The following PTPN4 variants were observed in gnomAD, a reference collection of about 807,000 sequenced individuals.
The protein encoded by PTPN4 is tyrosine-protein phosphatase non-receptor type 4.
Under a neutral mutation model 135.5 loss-of-function variants are expected in PTPN4, and 49 were observed. That is an observed-to-expected ratio of 0.36 (90% CI 0.29 to 0.46). The LOEUF is 0.46. Ranked by LOEUF, PTPN4 falls within the 20% of genes least tolerant of loss-of-function variation. The pLI is 1.00. For synonymous variants in PTPN4, 333 were observed against 369.9 expected (o/e 0.90, Z 1.14); for missense variants, 860 against 1,101.0 (o/e 0.78, Z 3.10).
At chr2:119,854,308 T>C (rs1019561694) in intron 2 of PTPN4, among the ~76,000 whole-genome samples, 1 of 152,202 alleles carries the variant, frequency 6.6e-6, no homozygotes, top group Non-Finnish European at 1.5e-5. Context: ...ATATCAAAGC[T>C]TGCTGGCCTG....
At chr2:119,912,794 G>C (rs1678593431) in intron 10 of PTPN4, among the ~76,000 whole-genome samples, 1 of 152,112 alleles carries the variant, frequency 6.6e-6, no homozygotes, top group Admixed American at 6.6e-5. Context: ...TTCAGGGGCA[G>C]CATCACCATA....
intron 1 of PTPN4, among the ~76,000 whole-genome samples, chr2:119,768,173 T>G (rs970877393): frequency 1.3e-5 from 2 of 152,222 alleles, no homozygotes; most frequent in African/African-American, 4.8e-5. Flanking sequence ...TTTTAAAATT[T>G]CATTTTGTTG....
intron 7 of PTPN4, 71 bp downstream of exon 7, chr2:119,882,220 A>G (rs1005760141): frequency 1.1e-5 from 16 of 1,392,900 alleles, no homozygotes; most frequent in African/African-American, 1.0e-4. Flanking sequence ...ATTGGCTTCA[A>G]TGTGGGAGTT....
chr2:119,842,937 C>T lies in PTPN4; in HGVS notation c.139-19599C>T, dbSNP rs1677403457. 1.3e-5 allele frequency among the ~76,000 whole-genome samples: 2 copies of T among 152,100 alleles called. 1 individual carries two copies. Among genetic ancestry groups the T allele is most frequent in the South Asian group, 4.1e-4 (2 of 4,830 alleles). On this transcript the variant is annotated intron_variant, in intron 2 of 26. Transcript: ENST00000263708. ...TCATGTAACAATTATCAAAATACAGCATAAAGTATTATATATGATGTTAGC... is the reference window on the plus strand; with the variant it reads ...TCATGTAACAATTATCAAAATACAGTATAAAGTATTATATATGATGTTAGC...
chr2:119,923,954 G>A (rs888271401), intron 12 of PTPN4, among the ~76,000 whole-genome samples: 4 of 151,888 alleles, frequency 2.6e-5, no homozygotes, highest in African/African-American at 7.3e-5. Context: ...TGGCTAATGC[G>A]GTGAAACCCT....
intron 1 of PTPN4, among the ~76,000 whole-genome samples, chr2:119,791,745 A>G (rs756954185): frequency 6.6e-6 from 1 of 152,204 alleles, no homozygotes; most frequent in Middle Eastern, 3.4e-3. Flanking sequence ...CCACTTGACT[A>G]TGGTATGTTT....
intron 2 of PTPN4, among the ~76,000 whole-genome samples, chr2:119,816,688 A>G (rs1024285524): frequency 6.6e-6 from 1 of 152,136 alleles, no homozygotes; most frequent in Non-Finnish European, 1.5e-5. Flanking sequence ...AGACAGTGAC[A>G]CCCAAAGTGT....
intron 3 of PTPN4, among the ~76,000 whole-genome samples, chr2:119,874,700 G>T (rs546813340): frequency 6.6e-6 from 1 of 152,260 alleles, no homozygotes; most frequent in East Asian, 1.9e-4. Context: ...AGTGATGATG[G>T]TTGCACACCG....
At chr2:119,807,086 A>G (rs147425727) in intron 1 of PTPN4, among the ~76,000 whole-genome samples, 5,380 of 152,310 alleles carry the variant, frequency 0.035, 151 homozygotes, top group Non-Finnish European at 0.054. Context: ...CAGTGCGTAG[A>G]GGAAAATTTA....
intron 14 of PTPN4, 26 bp from the exon 15 acceptor site, chr2:119,934,774 T>A (rs1574411500): frequency 1.2e-6 from 2 of 1,606,894 alleles, no homozygotes; most frequent in East Asian, 4.5e-5. Flanking sequence ...CATATTTTTA[T>A]TCAGTTTTTC....
chr2:119,969,533 C>G (rs1574426278), intron 26 of PTPN4, among the ~76,000 whole-genome samples: 2 of 145,100 alleles, frequency 1.4e-5, no homozygotes, highest in Admixed American at 6.9e-5. Context: ...GTACAATTAT[C>G]AAGAAATGTA....
chr2:119,898,627 G>C (rs1385422837), intron 9 of PTPN4, among the ~76,000 whole-genome samples: 2 of 152,018 alleles, frequency 1.3e-5, no homozygotes. Flanking sequence ...TTATTTATTA[G>C]ATTTATAGTA....
chr2:119,922,689 A>G (rs1678756179), intron 12 of PTPN4, among the ~76,000 whole-genome samples: 1 of 152,236 alleles, frequency 6.6e-6, no homozygotes, highest in South Asian at 2.1e-4. Flanking sequence ...TCAAATTGGA[A>G]TCATGAATGT....
At chr2:119,932,352 T>C (rs1678919392) in intron 13 of PTPN4, 72 bp from the exon 14 acceptor site, 3 of 1,373,088 alleles carry the variant, frequency 2.2e-6, no homozygotes, top group Admixed American at 5.0e-5. Flanking sequence ...TGAAAACAAA[T>C]TGTAGGATTT....
intron 22 of PTPN4, among the ~76,000 whole-genome samples, chr2:119,960,281 A>G (rs547967172): frequency 2.0e-5 from 3 of 152,214 alleles, no homozygotes; most frequent in Non-Finnish European, 4.4e-5. Context: ...CCCAAATACT[A>G]TCTTACCTCT....
chr2:119,945,032 AC>A, intron 15 of PTPN4, 48 bp from the exon 16 acceptor site: 1 of 1,531,420 alleles, frequency 6.5e-7, no homozygotes, highest in African/African-American at 1.4e-5. Context: ...CTTGACCCTA[AC>A]TTTTAAAAAA....
intron 3 of PTPN4, among the ~76,000 whole-genome samples, chr2:119,868,196 A>G (rs1204436678): frequency 1.3e-5 from 2 of 152,206 alleles, no homozygotes; most frequent in African/African-American, 2.4e-5. Flanking sequence ...ATATTTAAAG[A>G]TGCATCCAGG....
chr2:119,932,316 AT>A (rs1553470361), intron 13 of PTPN4, 107 bp from the exon 14 acceptor site: 4 of 1,118,080 alleles, frequency 3.6e-6, no homozygotes, highest in Non-Finnish European at 3.7e-6. Flanking sequence ...TAAACTCTTT[AT>A]GTTGCTCATC....
At chr2:119,969,598 G>A (rs543585844) in intron 26 of PTPN4, among the ~76,000 whole-genome samples, 287 of 120,444 alleles carry the variant, frequency 2.4e-3, no homozygotes, top group African/African-American at 8.6e-3. Context: ...TCGCTTTGTC[G>A]CCCAGGCTGG....
Sources: gnomAD v4.1 joint callset for allele counts (sites outside exome capture counted in the v4.1 genomes callset) on GRCh38, gnomAD v4.1.1 for gene constraint, MANE v1.5 for transcripts, NCBI Gene and HGNC (gene_info 2026-07-23, HGNC 2026-07-21) for gene names.